The following DENND4A variants were observed in gnomAD, a reference collection of about 807,000 sequenced individuals.
DENND4A encodes DENN domain containing 4A.
A neutral mutation model predicts 199.3 loss-of-function variants in DENND4A; 70 were observed. The ratio of observed to expected loss-of-function variants is 0.35; its 90% CI spans 0.29 to 0.43. The LOEUF (loss-of-function observed/expected upper bound fraction) is 0.43. Ranked by LOEUF, DENND4A falls within the 20% of genes least tolerant of loss-of-function variation. DENND4A has a pLI of 1.00. For missense variants in DENND4A, 1,723 were observed against 2,255.8 expected (o/e 0.76, Z 4.78); for synonymous variants, 686 against 766.9 (o/e 0.89, Z 1.74).
intron 2 of DENND4A, among the ~76,000 whole-genome samples, chr15:65,758,091 G>C (rs2140707852): frequency 6.6e-6 from 1 of 152,266 alleles, no homozygotes; most frequent in East Asian, 1.9e-4. Flanking sequence ...CCCAGTGGAA[G>C]ACAAGTTCCT....
In DENND4A at chr15:65,660,033, C is replaced by A. The variant is rs1596369137; in HGVS notation, c.*1818G>T. 2.4e-6 allele frequency: 1 copy of A among 417,968 alleles called. No homozygotes were observed. Among genetic ancestry groups the A allele is most frequent in the Non-Finnish European group, 4.3e-6 (1 of 233,662 alleles). The allele number at this position is 417,968 out of a possible 1,614,324, so 25.9% of individuals were successfully genotyped here. ...ACGGTTCTCTTGGAGGGATGTTTATCACCAGTGCCAAAAGCCTCCCCCCTC... is the reference window on the plus strand; with the variant it reads ...ACGGTTCTCTTGGAGGGATGTTTATAACCAGTGCCAAAAGCCTCCCCCCTC... On this transcript the variant is annotated 3_prime_UTR_variant, in exon 33 of 33. Transcript: ENST00000443035.
chr15:65,786,272 G>T (rs2077564140), intron 1 of DENND4A, among the ~76,000 whole-genome samples: 2 of 152,096 alleles, frequency 1.3e-5, no homozygotes, highest in Non-Finnish European at 2.9e-5. Flanking sequence ...TACACCTACA[G>T]TATCAACAAG....
chr15:65,732,958 GAAC>G, intron 7 of DENND4A, 140 bp from the exon 8 acceptor site: 1 of 512,062 alleles, frequency 2.0e-6, no homozygotes, highest in East Asian at 3.0e-5. Context: ...GAAAACAAGT[GAAC>G]AACCAAAAAT....
chr15:65,715,751 G>T, intron 13 of DENND4A, 128 bp from the exon 14 acceptor site: 1 of 794,516 alleles, frequency 1.3e-6, no homozygotes, highest in Non-Finnish European at 1.9e-6. Context: ...TTTCGCAAGT[G>T]CTGAGAGGGA....
intron 32 of DENND4A, 101 bp downstream of exon 32, chr15:65,664,229 G>A (rs2075966286): frequency 8.5e-6 from 6 of 708,034 alleles, no homozygotes. Context: ...TATAATTACA[G>A]ATTTAATATT....
At chr15:65,779,662 G>T (rs183405872) in intron 1 of DENND4A, among the ~76,000 whole-genome samples, 4 of 151,378 alleles carry the variant, frequency 2.6e-5, no homozygotes, top group African/African-American at 9.7e-5. Context: ...TTTTTCGTTT[G>T]TTTTCGAGAA....
chr15:65,750,137 A>G (rs1485648827), intron 4 of DENND4A, among the ~76,000 whole-genome samples: 1 of 152,216 alleles, frequency 6.6e-6, no homozygotes, highest in Non-Finnish European at 1.5e-5. Context: ...CCATTTTTTT[A>G]ATACTATACA....
intron 1 of DENND4A, among the ~76,000 whole-genome samples, chr15:65,774,549 T>A (rs944530022): frequency 1.3e-5 from 2 of 151,702 alleles, no homozygotes; most frequent in Non-Finnish European, 2.9e-5. Context: ...GCACCTGTAA[T>A]CCCAGCTACT....
intron 27 of DENND4A, among the ~76,000 whole-genome samples, chr15:65,668,450 C>T (rs1041680566): frequency 3.1e-4 from 47 of 152,240 alleles, no homozygotes; most frequent in African/African-American, 1.1e-3. Flanking sequence ...CTCAAGCCAT[C>T]TGCCCACCTC....
Position 65,696,481 on chromosome 15 carries a change from A to T in DENND4A, c.2967T>A (p.Ser989Arg). ...SDCSSLSESE[S>R]TKGSADCLPK... ...GAAGGCAATCAGCACTTCCTTTTGTACTCTCACTCTCTGACACTGTAAAGA... is the reference window on the plus strand; with the variant it reads ...GAAGGCAATCAGCACTTCCTTTTGTTCTCTCACTCTCTGACACTGTAAAGA... Residue 989 changes from serine to arginine, a missense_variant, in exon 22 of 33, where the codon AGT (serine) becomes AGA (arginine). Physicochemically the swap from Ser to Arg is moderately radical, Grantham distance 110. Coordinates refer to ENST00000443035, the MANE Select transcript of DENND4A (RefSeq NM_001320835.1). The T allele has an allele frequency of 6.2e-7, 1 of 1,611,596 alleles. No individual in the cohort carries two copies.
chr15:65,761,373 T>C lies in DENND4A; in HGVS notation c.-36A>G, dbSNP rs1359547681. 1 of 152,156 alleles carries C rather than the reference T, an allele frequency of 6.6e-6. No homozygotes were observed. The highest frequency in any genetic ancestry group is 1.9e-4 in the East Asian group (1 of 5,198). The allele number at this position is 152,156 out of a possible 1,614,324, so 9.4% of individuals were successfully genotyped here. ...AAAACTACTTACACATTACCGAAAG[T>C]TTCTCTCTGAAAAAGATGACAGATT... On this transcript the variant is annotated 5_prime_UTR_variant, in exon 2 of 33. Coordinates refer to ENST00000443035, the MANE Select transcript of DENND4A (RefSeq NM_001320835.1).
rs1177968207 is a variant in DENND4A, at chr15:65,659,816, T to C, written c.*2035A>G. 6.5e-6 allele frequency: 1 copy of C among 153,528 alleles called. No homozygotes were observed. The highest frequency in any genetic ancestry group is 1.5e-5 in the Non-Finnish European group (1 of 68,936). 9.5% of individuals were successfully genotyped at this position (153,528 alleles called of 1,614,324 possible). ...TTGGGGTGGAAAGAGGAGGTAAAAA[T>C]TACATTCGCTTTTCCAAATGAGTCT... On this transcript the variant is annotated 3_prime_UTR_variant, in exon 33 of 33. Transcript: ENST00000443035.
intron 1 of DENND4A, chr15:65,772,279 T>C: frequency 1.8e-6 from 1 of 541,368 alleles, no homozygotes; most frequent in South Asian, 2.8e-5. Context: ...ATTTATTGAA[T>C]ACTGAAATGG....
chr15:65,735,515 A>C (rs1167381730), intron 7 of DENND4A, among the ~76,000 whole-genome samples: 1 of 152,230 alleles, frequency 6.6e-6, no homozygotes, highest in African/African-American at 2.4e-5. Flanking sequence ...CTATGAATCA[A>C]GGCAGTGGCA....
intron 14 of DENND4A, among the ~76,000 whole-genome samples, chr15:65,706,495 C>CACATAT (rs1491116316): frequency 7.9e-5 from 7 of 88,348 alleles, no homozygotes; most frequent in Admixed American, 5.0e-4. Flanking sequence ...CACACACACA[C>CACATAT]ATATATATAT....
intron 3 of DENND4A, among the ~76,000 whole-genome samples, chr15:65,753,517 C>T (rs1446737787): frequency 6.6e-6 from 1 of 151,950 alleles, no homozygotes; most frequent in Non-Finnish European, 1.5e-5. Flanking sequence ...TGGCACCACA[C>T]CTGACTAATT....
At chr15:65,771,966 C>T (rs747670531) in intron 1 of DENND4A, 16 of 1,558,534 alleles carry the variant, frequency 1.0e-5, no homozygotes, top group African/African-American at 1.4e-5. Flanking sequence ...CACTATCTTT[C>T]GTAACTCCAA....
chr15:65,756,324 C>A lies in DENND4A; in HGVS notation c.127G>T (p.Glu43Ter). The A allele has an allele frequency of 6.2e-7, 1 of 1,613,806 alleles. No individual in the cohort carries two copies. Among genetic ancestry groups the A allele is most frequent in the Non-Finnish European group, 8.5e-7 (1 of 1,179,794 alleles). ...DACHKVAKPK[E>*]PITDVSVIIK... ...ATAACTGAAACATCTGTAATAGGTT[C>A]TTTTGGTTTAGCTACTTTATGACAA... is the stretch of plus-strand genomic sequence containing the variant. The change falls in exon 3 of 33, where the codon GAA (glutamate) becomes TAA (stop). Residue 43 changes from glutamate to a stop codon, truncating the protein, a stop_gained. Transcript: ENST00000443035. LOFTEE classifies it high-confidence loss of function.
intron 1 of DENND4A, among the ~76,000 whole-genome samples, chr15:65,786,400 C>T (rs12916843): frequency 0.2 from 30,800 of 151,598 alleles, 4,162 homozygotes; most frequent in East Asian, 0.73. Flanking sequence ...TGTTTTTTTT[C>T]TAGTGCCAGG....
Sources: allele counts gnomAD v4.1 joint callset (sites outside exome capture counted in the v4.1 genomes callset), GRCh38; gene constraint gnomAD v4.1.1; transcripts MANE v1.5; gene names NCBI Gene and HGNC (gene_info 2026-07-23, HGNC 2026-07-21).